SLC38A11: variants seen among roughly 807,000 people sequenced by gnomAD.
SLC38A11 encodes putative sodium-coupled neutral amino acid transporter 11.
In SLC38A11, 51 loss-of-function variants were observed where a neutral mutation model predicts 49.4. The observed-to-expected ratio is 1.03, with a 90% CI of 0.83 to 1.30. The LOEUF (loss-of-function observed/expected upper bound fraction) is 1.30, where lower values mean the gene tolerates loss of function less well. SLC38A11 is among the 50% of genes most tolerant of loss of function. The probability of loss-of-function intolerance (pLI) is 0.00; values close to 1 mark genes in which losing one functional copy is unlikely to be tolerated. For synonymous variants in SLC38A11, 203 were observed against 192.9 expected, an observed-to-expected ratio of 1.05 and a Z score of -0.43; for missense variants, 574 against 556.2, an observed-to-expected ratio of 1.03 and a Z score of -0.32.
Position 164,952,976 on chromosome 2 carries a change from A to C in SLC38A11, c.155-195T>G, listed in dbSNP as rs1688624260. On this transcript the variant is annotated intron_variant, in intron 2 of 11. Transcript: ENST00000685975. The stretch of plus-strand genomic sequence containing the variant: ...ACTTATTTCAGAATAAAATGTTATT[A>C]GCTTAGGGACAAGTTAAGAGAGCAA... 14 of 515,326 alleles carry C rather than the reference A, an allele frequency of 2.7e-5. No homozygotes were observed. The South Asian group carries it at 3.2e-4, about 12-fold the overall frequency. The allele number at this position is 515,326 out of a possible 1,614,324, so 31.9% of individuals were successfully genotyped here. A position where few individuals can be genotyped will look rare whatever the true frequency, so the allele number is the denominator to read the frequency against.
intron 2 of SLC38A11, 164 bp from the exon 3 acceptor site, chr2:164,952,945 A>G: frequency 1.7e-6 from 1 of 572,274 alleles, no homozygotes; most frequent in South Asian, 2.2e-5. Context: ...AATGTTAGGT[A>G]TTAATACTTA....
intron 11 of SLC38A11, 29 bp from the exon 12 acceptor site, chr2:164,898,759 A>G: frequency 1.3e-6 from 2 of 1,576,288 alleles, no homozygotes. Flanking sequence ...AAACAAGATA[A>G]TGTCACTAGA....
At chr2:164,918,689 A>G (rs1313672270) in intron 7 of SLC38A11, among the ~76,000 whole-genome samples, 1 of 152,238 alleles carries the variant, frequency 6.6e-6, no homozygotes, top group African/African-American at 2.4e-5. Flanking sequence ...TTTGTACACA[A>G]CATAATTACA....
At chr2:164,903,357 A>C (rs1684788179) in intron 11 of SLC38A11, among the ~76,000 whole-genome samples, 1 of 152,190 alleles carries the variant, frequency 6.6e-6, no homozygotes, top group African/African-American at 2.4e-5. Flanking sequence ...TACTCTTCCA[A>C]ACTTAACTTG....
rs763610520 is a variant in SLC38A11, at chr2:164,939,480, G to T, written c.507C>A (p.Ser169=). The change falls in exon 6 of 12, where the codon TCC becomes TCA. Residue 169 remains serine (S), a synonymous_variant. Transcript: ENST00000685975. ...LSTVTFTLPL[S]LYRNIAKLGK... ...CAAGCTTTGCTATATTTCGGTACAA[G>T]GATAAAGGCAGAGTAAAGGTAACTG... 6.2e-7 allele frequency: 1 copy of T among 1,608,832 alleles called. No individual in the cohort carries two copies. The highest frequency in any genetic ancestry group is 8.5e-7 in the Non-Finnish European group (1 of 1,177,084).
intron 3 of SLC38A11, among the ~76,000 whole-genome samples, chr2:164,951,525 G>A (rs1197663260): frequency 6.6e-6 from 1 of 152,182 alleles, no homozygotes; most frequent in Non-Finnish European, 1.5e-5. Flanking sequence ...TAAGGGTGGA[G>A]GTGGTAGGAA....
At chr2:164,923,563 G>C (rs1296089698) in intron 7 of SLC38A11, among the ~76,000 whole-genome samples, 1 of 151,918 alleles carries the variant, frequency 6.6e-6, no homozygotes, top group Admixed American at 6.6e-5. Context: ...TAATTAAAAA[G>C]TAAAAACAAA....
In SLC38A11 at chr2:164,954,679, C is replaced by G. The variant is rs1428180295; in HGVS notation, c.106G>C (p.Ala36Pro). ...HEYKEKTCQS[A>P]ALFNVVNSII... ...GAGTTGACAACATTAAAAAGAGCAG[C>G]AGACTGACAGGTTTTCTCTTTATAC... is the stretch of plus-strand genomic sequence containing the variant. The change falls in exon 2 of 12, where the codon GCT (alanine) becomes CCT (proline). Residue 36 changes from alanine to proline, a missense_variant. By Grantham distance (27) the Ala-to-Pro change is conservative. Transcript: ENST00000685975. 4 of 1,543,866 alleles carry G rather than the reference C, an allele frequency of 2.6e-6. No homozygotes were observed. Among genetic ancestry groups the G allele is most frequent in the Non-Finnish European group, 3.5e-6 (4 of 1,142,816 alleles).
At chr2:164,939,356 G>T (rs970005294) in intron 6 of SLC38A11, 94 bp downstream of exon 6, 3 of 723,580 alleles carry the variant, frequency 4.1e-6, no homozygotes, top group Non-Finnish European at 4.5e-6. Flanking sequence ...AGAAACTAAA[G>T]ATGAATACCG....
chr2:164,926,139 G>C (rs916362272), intron 7 of SLC38A11, among the ~76,000 whole-genome samples: 1 of 152,054 alleles, frequency 6.6e-6, no homozygotes, highest in Non-Finnish European at 1.5e-5. Context: ...CTCCTTCCAG[G>C]TCTTTATATT....
At chr2:164,947,991 A>T (rs1688254829) in intron 3 of SLC38A11, among the ~76,000 whole-genome samples, 1 of 152,162 alleles carries the variant, frequency 6.6e-6, no homozygotes, top group Non-Finnish European at 1.5e-5. Flanking sequence ...TCCCTCCACC[A>T]GGTGGATCTG....
chr2:164,947,160 C>CTT (rs920684291), intron 3 of SLC38A11, among the ~76,000 whole-genome samples: 1 of 93,116 alleles, frequency 1.1e-5, no homozygotes, highest in African/African-American at 5.8e-5. Context: ...GAGATAGAGT[C>CTT]TTGCTCTGTC....
intron 7 of SLC38A11, among the ~76,000 whole-genome samples, chr2:164,920,513 A>G (rs1266828867): frequency 2.0e-5 from 3 of 147,480 alleles, no homozygotes; most frequent in African/African-American, 7.4e-5. Flanking sequence ...GAATAAATTC[A>G]TGAGGGAGAG....
At chr2:164,954,248 T>C (rs894960787) in intron 2 of SLC38A11, among the ~76,000 whole-genome samples, 1 of 152,210 alleles carries the variant, frequency 6.6e-6, no homozygotes, top group East Asian at 1.9e-4. Context: ...TTTATACTTC[T>C]AGAAAGTTAA....
At chr2:164,941,716 T>C (rs966048581) in intron 5 of SLC38A11, among the ~76,000 whole-genome samples, 1 of 152,124 alleles carries the variant, frequency 6.6e-6, no homozygotes, top group African/African-American at 2.4e-5. Flanking sequence ...AAAATGTTTC[T>C]ATCAAGGAAA....
At position 164,955,336 on chromosome 2, in the gene SLC38A11, G is replaced by A; in HGVS notation, c.-89C>T. On this transcript the variant is annotated 5_prime_UTR_variant, in exon 1 of 12. Transcript: ENST00000685975. The stretch of plus-strand genomic sequence containing the variant: ...AGCCTCCTCCGCCACCTCGCACACA[G>A]CCGAGGTCCGCGTGTAGCCGCAGAG... 1 of 1,262,050 alleles carries A rather than the reference G, an allele frequency of 7.9e-7. No homozygotes were observed. The highest frequency in any genetic ancestry group is 1.1e-6 in the Non-Finnish European group (1 of 886,726). The allele number at this position is 1,262,050 out of a possible 1,614,324, so 78.2% of individuals were successfully genotyped here.
rs76231563 is a variant in SLC38A11, at chr2:164,934,828, T to C, written c.617+2522A>G. On this transcript the variant is annotated intron_variant, in intron 7 of 11. Transcript: ENST00000685975. ...GTTTAATATACTTATTAGCTTTCTG[T>C]TACTGTGAATTCAGCTTCAAAAACC... Among the ~76,000 whole-genome samples the C allele has an allele frequency of 1.2e-3, 183 of 152,250 alleles. 13 individuals carry two copies. The East Asian group carries it at 0.035, about 29-fold the overall frequency.
At chr2:164,901,702 G>C (rs1684659903) in intron 11 of SLC38A11, among the ~76,000 whole-genome samples, 1 of 152,106 alleles carries the variant, frequency 6.6e-6, no homozygotes, top group African/African-American at 2.4e-5. Context: ...TCGGCAAATA[G>C]AAATAACTTT....
intron 7 of SLC38A11, 31 bp downstream of exon 7, chr2:164,937,319 A>G: frequency 6.9e-7 from 1 of 1,454,912 alleles, no homozygotes; most frequent in Non-Finnish European, 9.6e-7. Context: ...GCTATAAATC[A>G]AAGACTGACA....
Sources: allele counts gnomAD v4.1 joint callset (sites outside exome capture counted in the v4.1 genomes callset), GRCh38; gene constraint gnomAD v4.1.1; transcripts MANE v1.5; gene names NCBI Gene and HGNC (gene_info 2026-07-23, HGNC 2026-07-21).